MGAT5: variants seen among roughly 807,000 people sequenced by gnomAD.
The protein encoded by MGAT5 is alpha-1,6-mannosylglycoprotein 6-beta-N-acetylglucosaminyltransferase A.
MGAT5 carries 30 observed loss-of-function variants against 94.3 expected under a neutral mutation model. The ratio of observed to expected loss-of-function variants is 0.32; its 90% CI spans 0.24 to 0.43. The LOEUF (loss-of-function observed/expected upper bound fraction) is 0.43. Ranked by LOEUF, MGAT5 falls within the 20% of genes least tolerant of loss-of-function variation. The probability of loss-of-function intolerance (pLI) is 1.00; values close to 1 mark genes in which losing one functional copy is unlikely to be tolerated. For missense variants in MGAT5, 691 were observed against 905.5 expected (o/e 0.76, Z 3.04); for synonymous variants, 310 against 322.9 (o/e 0.96, Z 0.43).
At chr2:134,146,559 A>T (rs1237537174) in intron 1 of MGAT5, among the ~76,000 whole-genome samples, 2 of 119,544 alleles carry the variant, frequency 1.7e-5, no homozygotes, top group Non-Finnish European at 3.2e-5. Context: ...GACCCTATTT[A>T]AAAAAAAAAA....
intron 2 of MGAT5, among the ~76,000 whole-genome samples, chr2:134,295,642 T>C (rs987716660): frequency 1.3e-5 from 2 of 152,182 alleles, no homozygotes; most frequent in Non-Finnish European, 2.9e-5. Flanking sequence ...TTGTGGCTCT[T>C]CTGTGCTGTT....
At chr2:134,398,471 C>T (rs190251404) in intron 10 of MGAT5, among the ~76,000 whole-genome samples, 131 of 152,148 alleles carry the variant, frequency 8.6e-4, no homozygotes, top group Admixed American at 1.4e-3. Flanking sequence ...TAAGGTGCTG[C>T]GTGAATGAGG....
At chr2:134,273,622 CTG>C (rs3034326) in intron 2 of MGAT5, among the ~76,000 whole-genome samples, 65,006 of 149,688 alleles carry the variant, frequency 0.43, 15,524 homozygotes, top group Middle Eastern at 0.66. Context: ...GGGGATAGCT[CTG>C]TGTGTGTGTG....
chr2:134,150,460 G>A (rs1264478740), intron 1 of MGAT5, among the ~76,000 whole-genome samples: 1 of 152,184 alleles, frequency 6.6e-6, no homozygotes, highest in African/African-American at 2.4e-5. Context: ...ATGACACCAA[G>A]CAAGGAGATA....
chr2:134,338,274 G>A lies in MGAT5; in HGVS notation c.661G>A (p.Asp221Asn). 6.3e-7 allele frequency: 1 copy of A among 1,595,960 alleles called. No homozygotes were observed. The change falls in exon 6 of 16, where the codon GAT (aspartate) becomes AAT (asparagine). Residue 221 changes from aspartate to asparagine, a missense_variant. Asp to Asn is a conservative substitution (Grantham distance 23). Transcript: ENST00000281923. ...DHNSLAEIRT[D>N]FNILYSMMKK... ...CTGTTGCTAGGCGGAAATTCGTACA[G>A]ATTTTAATATTCTCTACAGTATGAT...
chr2:134,442,652 T>C (rs1685550432), intron 15 of MGAT5, among the ~76,000 whole-genome samples: 1 of 152,188 alleles, frequency 6.6e-6, no homozygotes, highest in South Asian at 2.1e-4. Flanking sequence ...CCTTTCCCTT[T>C]GCATTGGCAT....
intron 9 of MGAT5, among the ~76,000 whole-genome samples, chr2:134,356,421 C>T (rs1276184891): frequency 2.0e-5 from 3 of 152,060 alleles, no homozygotes; most frequent in Non-Finnish European, 1.5e-5. Context: ...TTATGAGCGT[C>T]AGTTTAGGAG....
intron 1 of MGAT5, among the ~76,000 whole-genome samples, chr2:134,262,026 C>T (rs1380678425): frequency 6.6e-6 from 1 of 152,164 alleles, no homozygotes; most frequent in African/African-American, 2.4e-5. Flanking sequence ...TTCTGTTGGG[C>T]GGATGGAACA....
intron 14 of MGAT5, among the ~76,000 whole-genome samples, chr2:134,430,054 G>A (rs1245607159): frequency 2.0e-5 from 3 of 152,206 alleles, no homozygotes; most frequent in Non-Finnish European, 4.4e-5. Flanking sequence ...CCGTCTTCTT[G>A]CATCATCAAG....
chr2:134,350,386 T>C (rs1679304977), intron 9 of MGAT5, among the ~76,000 whole-genome samples: 2 of 152,244 alleles, frequency 1.3e-5, no homozygotes, highest in African/African-American at 4.8e-5. Context: ...AAAAATAGCT[T>C]TTAAAAATGG....
intron 1 of MGAT5, among the ~76,000 whole-genome samples, chr2:134,206,591 A>G (rs1449058304): frequency 6.6e-6 from 1 of 152,146 alleles, no homozygotes; most frequent in Non-Finnish European, 1.5e-5. Flanking sequence ...TGAAACGTGG[A>G]TGTAGCCTTA....
intron 11 of MGAT5, among the ~76,000 whole-genome samples, chr2:134,410,125 G>A (rs892278183): frequency 9.2e-5 from 14 of 152,172 alleles, no homozygotes; most frequent in Non-Finnish European, 1.8e-4. Context: ...TAAGGAAATC[G>A]GTTAAGTAGG....
intron 1 of MGAT5, among the ~76,000 whole-genome samples, chr2:134,237,984 T>A (rs991270632): frequency 2.0e-5 from 3 of 152,074 alleles, no homozygotes; most frequent in Admixed American, 2.0e-4. Flanking sequence ...CTCCTGACCT[T>A]GTGATCCGCC....
intron 15 of MGAT5, among the ~76,000 whole-genome samples, chr2:134,443,802 C>T (rs1311041900): frequency 2.0e-5 from 3 of 152,240 alleles, no homozygotes; most frequent in Non-Finnish European, 4.4e-5. Context: ...AGTCTGTCTG[C>T]ATCTGAAGTT....
At chr2:134,341,845 T>G in intron 7 of MGAT5, 86 bp downstream of exon 7, 1 of 1,226,452 alleles carries the variant, frequency 8.2e-7, no homozygotes, top group Non-Finnish European at 1.1e-6. Flanking sequence ...TAGTGTATAA[T>G]TTTTTGTCGA....
At chr2:134,270,573 C>CTGAT in intron 2 of MGAT5, 23 bp downstream of exon 2, 2 of 1,612,654 alleles carry the variant, frequency 1.2e-6, no homozygotes, top group Non-Finnish European at 1.7e-6. Flanking sequence ...ATTCTCTGCC[C>CTGAT]TGATATGGAG....
At chr2:134,197,725 C>A (rs1249401216) in intron 1 of MGAT5, among the ~76,000 whole-genome samples, 1 of 152,148 alleles carries the variant, frequency 6.6e-6, no homozygotes, top group Non-Finnish European at 1.5e-5. Flanking sequence ...GTTTAGTTTC[C>A]TTTTACTTTA....
chr2:134,439,377 C>A (rs1685347939), intron 14 of MGAT5, among the ~76,000 whole-genome samples: 1 of 152,148 alleles, frequency 6.6e-6, no homozygotes, highest in African/African-American at 2.4e-5. Context: ...TTGCTTTGCT[C>A]CTTCTTACTG....
chr2:134,242,003 C>T (rs911657922), intron 1 of MGAT5, among the ~76,000 whole-genome samples: 1 of 152,212 alleles, frequency 6.6e-6, no homozygotes, highest in Non-Finnish European at 1.5e-5. Context: ...GGTTGAAATA[C>T]TCTTATGCAG....
Sources: gnomAD v4.1 joint callset for allele counts (sites outside exome capture counted in the v4.1 genomes callset) on GRCh38, gnomAD v4.1.1 for gene constraint, MANE v1.5 for transcripts, NCBI Gene and HGNC (gene_info 2026-07-23, HGNC 2026-07-21) for gene names.